The following LARP1 variants were observed in gnomAD, a reference collection of about 807,000 sequenced individuals.
LARP1 encodes the protein la-related protein 1.
LARP1 carries 36 observed loss-of-function variants against 122.7 expected under a neutral mutation model. The ratio of observed to expected loss-of-function variants is 0.29; its 90% confidence interval spans 0.22 to 0.39. The LOEUF is 0.39. Among genes scored for constraint, LARP1 ranks in the 10% least tolerant of loss-of-function variants. LARP1 has a pLI of 1.00. For missense variants in LARP1, 1,040 were observed against 1,403.6 expected, an observed-to-expected ratio of 0.74 and a Z score of 4.14; for synonymous variants, 539 against 528.7, an observed-to-expected ratio of 1.02 and a Z score of -0.27.
intron 1 of LARP1, among the ~76,000 whole-genome samples, chr5:154,764,275 A>C (rs966499587): frequency 6.8e-6 from 1 of 147,854 alleles, no homozygotes; most frequent in Non-Finnish European, 1.5e-5. Context: ...GCACCATTGC[A>C]CTCCAGCCTG....
chr5:154,778,214 C>T (rs929063564), intron 1 of LARP1, among the ~76,000 whole-genome samples: 2 of 148,814 alleles, frequency 1.3e-5, no homozygotes, highest in African/African-American at 5.0e-5. Flanking sequence ...GAGCCGAGAT[C>T]GCGCTGCTGC....
chr5:154,731,929 G>C (rs1414750678), intron 1 of LARP1, among the ~76,000 whole-genome samples: 1 of 151,874 alleles, frequency 6.6e-6, no homozygotes, highest in East Asian at 1.9e-4. Context: ...GGCTGAGGCA[G>C]GAGAATTGCT....
chr5:154,716,636 A>T (rs1350022918), intron 1 of LARP1, among the ~76,000 whole-genome samples: 2 of 152,060 alleles, frequency 1.3e-5, no homozygotes, highest in African/African-American at 2.4e-5. Flanking sequence ...TTTAGTAGAG[A>T]TGGGGTTTCA....
At chr5:154,755,296 C>T (rs1753752479), upstream of LARP1, among the ~76,000 whole-genome samples, 1 of 148,256 alleles carries the variant, frequency 6.7e-6, no homozygotes, top group East Asian at 2.0e-4. Flanking sequence ...CCCTCGCCCG[C>T]CGCGTCGTGA....
chr5:154,737,265 T>A (rs931610263), intron 1 of LARP1, among the ~76,000 whole-genome samples: 1 of 151,736 alleles, frequency 6.6e-6, no homozygotes, highest in Non-Finnish European at 1.5e-5. Flanking sequence ...GGTCTCAAAC[T>A]CCTGACCTCA....
intron 1 of LARP1, among the ~76,000 whole-genome samples, chr5:154,720,001 G>A (rs370235764): frequency 6.6e-6 from 1 of 152,142 alleles, no homozygotes; most frequent in South Asian, 2.1e-4. Flanking sequence ...CGACCAGCCT[G>A]GGCAACAAGG....
At chr5:154,778,441 G>A (rs1243718278) in intron 1 of LARP1, among the ~76,000 whole-genome samples, 1 of 152,106 alleles carries the variant, frequency 6.6e-6, no homozygotes, top group African/African-American at 2.4e-5. Context: ...CACCATTGCT[G>A]AGCAAAAAAT....
chr5:154,765,714 T>C (rs945321568), intron 1 of LARP1, among the ~76,000 whole-genome samples: 5 of 152,198 alleles, frequency 3.3e-5, no homozygotes, highest in Non-Finnish European at 7.3e-5. Context: ...TTAGCTCTTA[T>C]CACCACTGGG....
intron 1 of LARP1, among the ~76,000 whole-genome samples, chr5:154,761,581 G>A (rs1441555152): frequency 6.6e-6 from 1 of 152,174 alleles, no homozygotes; most frequent in Non-Finnish European, 1.5e-5. Context: ...AGTAATTAGG[G>A]TGTTGGGGCC....
At chr5:154,684,070 A>G (rs981830258) in intron 1 of LARP1, among the ~76,000 whole-genome samples, 1 of 152,226 alleles carries the variant, frequency 6.6e-6, no homozygotes, top group Non-Finnish European at 1.5e-5. Context: ...TAAGGGCTAC[A>G]AAGGCAATAT....
At chr5:154,749,492 G>A (rs75256526) in intron 1 of LARP1, among the ~76,000 whole-genome samples, 12,447 of 152,236 alleles carry the variant, frequency 0.082, 568 homozygotes, top group Admixed American at 0.15. Context: ...ACGAGGAATT[G>A]TGGAAACAGT....
intron 15 of LARP1, 100 bp downstream of exon 15, chr5:154,806,132 A>G: frequency 7.9e-7 from 1 of 1,263,832 alleles, no homozygotes; most frequent in Non-Finnish European, 1.1e-6. Context: ...CTTTTCTCTG[A>G]CTTCAGAGCA....
chr5:154,684,594 G>T (rs1300125077), intron 1 of LARP1, among the ~76,000 whole-genome samples: 2 of 152,056 alleles, frequency 1.3e-5, no homozygotes, highest in South Asian at 2.1e-4. Context: ...TTGCGCTTCC[G>T]GTCTATTCAT....
At chr5:154,757,804 CCCT>C in intron 1 of LARP1, among the ~76,000 whole-genome samples, 1 of 61,418 alleles carries the variant, frequency 1.6e-5, no homozygotes, top group Non-Finnish European at 3.2e-5. Context: ...TCCCCTTCCC[CCCT>C]GCTCCCCTTC....
chr5:154,812,076 G>T lies in LARP1; in HGVS notation c.3081+436G>T, dbSNP rs564576483. ...ACGGTGACATCCAGTGGCAGGGCTG[G>T]GTTATTACTGCTGGGTATATCAAGG... On this transcript the variant is annotated intron_variant, in intron 18 of 18. Transcript: ENST00000518297. Among the ~76,000 whole-genome samples, 111 of 152,158 alleles carry T rather than the reference G, an allele frequency of 7.3e-4. 2 individuals are homozygous for T. The highest frequency in any genetic ancestry group is 2.5e-4 in the Non-Finnish European group (17 of 68,026).
Position 154,796,951 on chromosome 5 carries a change from C to T in LARP1, c.1377+1632C>T, listed in dbSNP as rs556743464. Among the ~76,000 whole-genome samples, 5 of 152,228 alleles carry T rather than the reference C, an allele frequency of 3.3e-5. No individual in the cohort carries two copies. The East Asian group carries it at 5.8e-4, about 18-fold the overall frequency. ...GTTATTATAAGCTTATGGGCTCAAA[C>T]GTATTTATTTTGGTCCATTGCAGTT... On this transcript the variant is annotated intron_variant, in intron 8 of 18. Transcript: ENST00000518297.
chr5:154,747,430 G>A (rs1262451685), intron 1 of LARP1, among the ~76,000 whole-genome samples: 1 of 152,164 alleles, frequency 6.6e-6, no homozygotes, highest in Admixed American at 6.5e-5. Flanking sequence ...TAGGCCAGGT[G>A]CGGTGGCTCA....
intron 1 of LARP1, 183 bp downstream of exon 1, chr5:154,756,376 C>G (rs1254294649): frequency 1.0e-6 from 1 of 978,502 alleles, no homozygotes; most frequent in Non-Finnish European, 1.2e-6. Context: ...ACTCAGGGAC[C>G]TGCCCCTGCC....
At chr5:154,754,993 T>G (rs977357681), upstream of LARP1, among the ~76,000 whole-genome samples, 1 of 152,088 alleles carries the variant, frequency 6.6e-6, no homozygotes, top group Non-Finnish European at 1.5e-5. Flanking sequence ...GTGCTCCACC[T>G]GAGGCCGCTC....
Sources: allele counts gnomAD v4.1 joint callset (sites outside exome capture counted in the v4.1 genomes callset), GRCh38; gene constraint gnomAD v4.1.1; transcripts MANE v1.5; gene names NCBI Gene and HGNC (gene_info 2026-07-23, HGNC 2026-07-21).